PPARGC1A: variants seen among roughly 807,000 people sequenced by gnomAD.
PPARGC1A encodes the protein PPARG coactivator 1 alpha.
A neutral mutation model predicts 88.7 loss-of-function variants in PPARGC1A; 25 were observed. The ratio of observed to expected loss-of-function variants is 0.28; its 90% confidence interval spans 0.21 to 0.39. The LOEUF is 0.39. PPARGC1A is among the 10% of genes least tolerant of loss of function. PPARGC1A has a pLI of 1.00. For synonymous variants in PPARGC1A, 363 were observed against 355.6 expected, an observed-to-expected ratio of 1.02 and a Z score of -0.24; for missense variants, 880 against 968.7, an observed-to-expected ratio of 0.91 and a Z score of 1.22.
the PPARGC1A span, among the ~76,000 whole-genome samples, chr4:24,067,583 G>C: frequency 6.6e-6 from 1 of 152,182 alleles, no homozygotes; most frequent in Admixed American, 6.5e-5. Flanking sequence ...AGCATCGCAC[G>C]TGGCCAAGGA....
chr4:24,461,009 G>T, the PPARGC1A span, among the ~76,000 whole-genome samples: 3 of 152,132 alleles, frequency 2.0e-5, no homozygotes, highest in Non-Finnish European at 4.4e-5. Flanking sequence ...CTGCAGCCTA[G>T]AACTGCTGGG....
chr4:24,332,246 G>A, the PPARGC1A span, among the ~76,000 whole-genome samples: 5 of 151,976 alleles, frequency 3.3e-5, no homozygotes, highest in Non-Finnish European at 7.4e-5. Flanking sequence ...TCAAAGTGCT[G>A]GGATTACAGG....
At chr4:24,462,717 T>A in the PPARGC1A span, among the ~76,000 whole-genome samples, 1 of 150,908 alleles carries the variant, frequency 6.6e-6, no homozygotes, top group Non-Finnish European at 1.5e-5. Context: ...TCTATTATGA[T>A]GGACTCAATA....
chr4:23,858,117 A>T (rs1254782601), intron 2 of PPARGC1A, among the ~76,000 whole-genome samples: 1 of 152,122 alleles, frequency 6.6e-6, no homozygotes, highest in Non-Finnish European at 1.5e-5. Flanking sequence ...ATCTTTATAG[A>T]TTCAAGGAAA....
chr4:23,911,239 C>G, the PPARGC1A span, among the ~76,000 whole-genome samples: 3 of 152,130 alleles, frequency 2.0e-5, no homozygotes, highest in African/African-American at 4.8e-5. Flanking sequence ...TTGATATCAA[C>G]CTACCTGTCC....
the PPARGC1A span, among the ~76,000 whole-genome samples, chr4:24,304,343 T>A: frequency 6.6e-6 from 1 of 152,192 alleles, no homozygotes; most frequent in East Asian, 1.9e-4. Flanking sequence ...TTATAACTTG[T>A]GAGAATGGGG....
the PPARGC1A span, among the ~76,000 whole-genome samples, chr4:24,064,676 C>A: frequency 6.6e-6 from 1 of 152,158 alleles, no homozygotes; most frequent in Admixed American, 6.5e-5. Context: ...CATAAAAAGT[C>A]ATTGCCTTCA....
chr4:24,196,256 G>A, the PPARGC1A span, among the ~76,000 whole-genome samples: 13 of 152,150 alleles, frequency 8.5e-5, no homozygotes, highest in Non-Finnish European at 1.3e-4. Context: ...GAGCTAGGGA[G>A]GAAAATCAGT....
the PPARGC1A span, chr4:24,258,206 G>A: frequency 2.6e-5 from 25 of 980,272 alleles, no homozygotes; most frequent in African/African-American, 3.5e-5. Context: ...TACTTACAAA[G>A]TACCCTTCAT....
At chr4:24,269,144 C>A in the PPARGC1A span, among the ~76,000 whole-genome samples, 1 of 152,082 alleles carries the variant, frequency 6.6e-6, no homozygotes, top group Non-Finnish European at 1.5e-5. Flanking sequence ...AGGAAGTAAT[C>A]TTTCTGGATT....
chr4:24,269,539 A>T, the PPARGC1A span, among the ~76,000 whole-genome samples: 1 of 152,306 alleles, frequency 6.6e-6, no homozygotes, highest in East Asian at 1.9e-4. Context: ...GAACCTCTCC[A>T]CATCTCAGTC....
chr4:24,343,067 CA>C, the PPARGC1A span, among the ~76,000 whole-genome samples: 14 of 152,206 alleles, frequency 9.2e-5, no homozygotes, highest in African/African-American at 2.9e-4. Flanking sequence ...GGGAGGGGGC[CA>C]AGGAACCAGA....
chr4:24,116,195 T>C, the PPARGC1A span, among the ~76,000 whole-genome samples: 171 of 152,326 alleles, frequency 1.1e-3, 3 homozygotes, highest in East Asian at 0.026. Context: ...TGGATAACCA[T>C]CCAACTAGAT....
the PPARGC1A span, among the ~76,000 whole-genome samples, chr4:24,021,105 A>C: frequency 6.6e-6 from 1 of 152,344 alleles, no homozygotes; most frequent in Admixed American, 6.5e-5. Flanking sequence ...GCCTTGAAGC[A>C]GGGTTCCTGG....
chr4:24,132,613 GT>G, the PPARGC1A span, among the ~76,000 whole-genome samples: 1 of 152,182 alleles, frequency 6.6e-6, no homozygotes, highest in Non-Finnish European at 1.5e-5. Flanking sequence ...AATGCAAAAT[GT>G]TTTTCCTCTA....
the PPARGC1A span, among the ~76,000 whole-genome samples, chr4:24,291,689 C>T: frequency 6.6e-6 from 1 of 152,126 alleles, no homozygotes; most frequent in Admixed American, 6.5e-5. Context: ...TCTTCTTGAC[C>T]AGCCTGAACA....
At chr4:23,971,144 A>G in the PPARGC1A span, among the ~76,000 whole-genome samples, 19,807 of 152,192 alleles carry the variant, frequency 0.13, 1,565 homozygotes, top group East Asian at 0.27. Context: ...CCATGGTTTC[A>G]TATGTATATA....
chr4:24,190,963 T>C, the PPARGC1A span, among the ~76,000 whole-genome samples: 2 of 152,096 alleles, frequency 1.3e-5, no homozygotes, highest in African/African-American at 4.8e-5. Context: ...AATACTGCCC[T>C]CTTCCATAAA....
chr4:24,047,437 G>A, the PPARGC1A span, among the ~76,000 whole-genome samples: 6 of 152,180 alleles, frequency 3.9e-5, no homozygotes, highest in African/African-American at 1.4e-4. Flanking sequence ...CAGAGATAAT[G>A]TGCCTGGCAC....
Sources: gnomAD v4.1 joint callset for allele counts (sites outside exome capture counted in the v4.1 genomes callset) on GRCh38, gnomAD v4.1.1 for gene constraint, MANE v1.5 for transcripts, NCBI Gene and HGNC (gene_info 2026-07-23, HGNC 2026-07-21) for gene names.